RAB6B: variants seen among roughly 807,000 people sequenced by gnomAD.
The protein encoded by RAB6B is ras-related protein Rab-6B.
Under a neutral mutation model 31.2 loss-of-function variants are expected in RAB6B, and 7 were observed. The ratio of observed to expected loss-of-function variants is 0.22; its 90% CI spans 0.13 to 0.42. The LOEUF (loss-of-function observed/expected upper bound fraction) is 0.42, where lower values mean the gene tolerates loss of function less well. RAB6B is among the 10% of genes least tolerant of loss of function. The pLI is 1.00. For synonymous variants in RAB6B, 105 were observed against 104.9 expected (o/e 1.00, Z -0.01); for missense variants, 149 against 280.6 (o/e 0.53, Z 3.35).
At position 133,827,834 on chromosome 3, in the gene RAB6B, G is replaced by A; in HGVS notation, c.*954C>T. The A allele has an allele frequency of 1.8e-6, 1 of 561,034 alleles. No individual in the cohort carries two copies. The highest frequency in any genetic ancestry group is 3.3e-6 in the Non-Finnish European group (1 of 301,830). 34.8% of individuals were successfully genotyped at this position (561,034 alleles called of 1,614,324 possible). On this transcript the variant is annotated 3_prime_UTR_variant, in exon 8 of 8. Coordinates refer to ENST00000285208, the MANE Select transcript of RAB6B (RefSeq NM_016577.4). ...CATCCAGGAGGAAGGCTTCAGGATG[G>A]CACACTGCCCAACATCACACACTGA...
intron 2 of RAB6B, 113 bp downstream of exon 2, chr3:133,864,471 A>C: frequency 9.1e-7 from 1 of 1,100,550 alleles, no homozygotes; most frequent in Non-Finnish European, 1.4e-6. Context: ...CCTCCATAGC[A>C]AAATGACAGC....
chr3:133,837,233 A>G (rs980160184), intron 6 of RAB6B, among the ~76,000 whole-genome samples: 3 of 152,158 alleles, frequency 2.0e-5, no homozygotes, highest in Non-Finnish European at 4.4e-5. Flanking sequence ...GGTTAATCCT[A>G]TGGACTCCTT....
At chr3:133,892,909 C>T (rs1362962716) in intron 1 of RAB6B, among the ~76,000 whole-genome samples, 3 of 152,354 alleles carry the variant, frequency 2.0e-5, no homozygotes, top group East Asian at 3.9e-4. Flanking sequence ...GACTCCCCAT[C>T]CCATAAGGCT....
intron 1 of RAB6B, among the ~76,000 whole-genome samples, chr3:133,872,808 C>T (rs529193071): frequency 1.3e-5 from 2 of 152,342 alleles, no homozygotes; most frequent in Admixed American, 1.3e-4. Context: ...CTTCATTGGA[C>T]ATTTTAATTA....
At chr3:133,885,030 G>C in intron 1 of RAB6B, among the ~76,000 whole-genome samples, 1 of 148,530 alleles carries the variant, frequency 6.7e-6, no homozygotes, top group East Asian at 2.0e-4. Context: ...CCAGAGGATG[G>C]GGGGCTCACA....
At chr3:133,832,681 C>T (rs1935672602) in intron 7 of RAB6B, among the ~76,000 whole-genome samples, 1 of 152,208 alleles carries the variant, frequency 6.6e-6, no homozygotes, top group African/African-American at 2.4e-5. Context: ...CGCTCTAGCA[C>T]CTGCCTCGTG....
chr3:133,858,855 G>A (rs187914250), intron 2 of RAB6B, among the ~76,000 whole-genome samples: 45 of 152,294 alleles, frequency 3.0e-4, no homozygotes, highest in Admixed American at 2.4e-3. Context: ...GCTTTTCAGC[G>A]TCTTAGTACT....
intron 2 of RAB6B, among the ~76,000 whole-genome samples, chr3:133,864,164 G>A (rs931390088): frequency 9.2e-6 from 1 of 108,208 alleles, no homozygotes; most frequent in Non-Finnish European, 1.7e-5. Context: ...GTGCGTGTGT[G>A]GGGGGGGGCG....
chr3:133,879,850 A>G (rs1325517822), intron 1 of RAB6B, among the ~76,000 whole-genome samples: 1 of 152,188 alleles, frequency 6.6e-6, no homozygotes, highest in Admixed American at 6.5e-5. Context: ...GCTAGCTTTG[A>G]ATGCTAGCCA....
At chr3:133,857,589 C>A (rs1480617753) in intron 2 of RAB6B, among the ~76,000 whole-genome samples, 5 of 152,308 alleles carry the variant, frequency 3.3e-5, no homozygotes, top group Middle Eastern at 3.4e-3. Flanking sequence ...GGTAAAAGAT[C>A]CCTTCTGGCA....
At chr3:133,837,831 G>A (rs1935760639) in intron 6 of RAB6B, among the ~76,000 whole-genome samples, 1 of 152,222 alleles carries the variant, frequency 6.6e-6, no homozygotes, top group Admixed American at 6.5e-5. Flanking sequence ...AAAGTGGGGT[G>A]AGGGGCTAGG....
At chr3:133,848,285 C>T (rs1003470008) in intron 2 of RAB6B, among the ~76,000 whole-genome samples, 4 of 152,222 alleles carry the variant, frequency 2.6e-5, no homozygotes, top group Admixed American at 6.5e-5. Context: ...CAAATGAATA[C>T]TGAACTGGTT....
At chr3:133,881,959 T>C (rs1245358198) in intron 1 of RAB6B, among the ~76,000 whole-genome samples, 1 of 152,256 alleles carries the variant, frequency 6.6e-6, no homozygotes. Context: ...ATGTCATATT[T>C]CCATGGGTCA....
At chr3:133,834,984 G>A (rs1455247384) in intron 6 of RAB6B, among the ~76,000 whole-genome samples, 1 of 152,226 alleles carries the variant, frequency 6.6e-6, no homozygotes. Flanking sequence ...GGGCCTCTGG[G>A]TGACAGGCCT....
At chr3:133,856,253 A>G (rs765841373) in intron 2 of RAB6B, among the ~76,000 whole-genome samples, 2 of 152,088 alleles carry the variant, frequency 1.3e-5, no homozygotes, top group Non-Finnish European at 2.9e-5. Flanking sequence ...GGGAGGACAT[A>G]GGAGAGGAGG....
At chr3:133,864,791 G>A in intron 1 of RAB6B, 149 bp from the exon 2 acceptor site, 2 of 777,394 alleles carry the variant, frequency 2.6e-6, no homozygotes, top group South Asian at 3.2e-5. Context: ...ACAGGCCCCT[G>A]CTAGGGACCC....
chr3:133,839,484 AC>A (rs1446654333), intron 5 of RAB6B, 21 bp downstream of exon 5: 1 of 1,572,714 alleles, frequency 6.4e-7, no homozygotes, highest in African/African-American at 1.3e-5. Context: ...GGCACCCTGC[AC>A]CTGTGTGCCC....
chr3:133,856,791 G>T (rs1936085070), intron 2 of RAB6B, among the ~76,000 whole-genome samples: 1 of 152,110 alleles, frequency 6.6e-6, no homozygotes, highest in Admixed American at 6.6e-5. Flanking sequence ...ATGTTCAGAG[G>T]GAACACCTGG....
chr3:133,869,180 C>G (rs1444960314), intron 1 of RAB6B, among the ~76,000 whole-genome samples: 1 of 152,218 alleles, frequency 6.6e-6, no homozygotes, highest in Non-Finnish European at 1.5e-5. Flanking sequence ...AGAGAAAACA[C>G]TCGTGAGAAG....
Sources: gnomAD v4.1 joint callset for allele counts (sites outside exome capture counted in the v4.1 genomes callset) on GRCh38, gnomAD v4.1.1 for gene constraint, MANE v1.5 for transcripts, NCBI Gene and HGNC (gene_info 2026-07-23, HGNC 2026-07-21) for gene names.